CREB3L3: variants seen among roughly 807,000 people sequenced by gnomAD.
CREB3L3 encodes cAMP responsive element binding protein 3 like 3.
CREB3L3 carries 40 observed loss-of-function variants against 44.6 expected under a neutral mutation model. The observed-to-expected ratio is 0.90, with a 90% CI of 0.70 to 1.17. The LOEUF (loss-of-function observed/expected upper bound fraction) is 1.17. Ranked by LOEUF, CREB3L3 falls within the 50% of genes most tolerant of loss-of-function variation. The pLI, the probability that CREB3L3 is intolerant of heterozygous loss-of-function variation, is 0.00. For synonymous variants in CREB3L3, 273 were observed against 256.3 expected (o/e 1.06, Z -0.62); for missense variants, 578 against 595.8 (o/e 0.97, Z 0.31).
intron 4 of CREB3L3, among the ~76,000 whole-genome samples, chr19:4,164,210 T>C (rs1248816554): frequency 6.6e-6 from 1 of 151,838 alleles, no homozygotes; most frequent in Non-Finnish European, 1.5e-5. Flanking sequence ...CCTGACCTAG[T>C]GATTTGCCCA....
chr19:4,158,654 A>G (rs2145122585), intron 3 of CREB3L3, among the ~76,000 whole-genome samples: 1 of 152,156 alleles, frequency 6.6e-6, no homozygotes, highest in Non-Finnish European at 1.5e-5. Context: ...TACAAAAATT[A>G]GCTGGGTGTG....
In CREB3L3 at chr19:4,170,431, G is replaced by A. The variant is rs566774218; in HGVS notation, c.890+223G>A. 2.0e-5 allele frequency among the ~76,000 whole-genome samples: 3 copies of A among 152,112 alleles called. No homozygotes were observed. In the East Asian group the frequency reaches 5.8e-4, roughly 29 times the overall value. ...TCAAAACCAGCCTGGCCAACATGGTGAAACCCCGTCTCTACTAAAAATACA... is the reference window on the plus strand; with the variant it reads ...TCAAAACCAGCCTGGCCAACATGGTAAAACCCCGTCTCTACTAAAAATACA... On this transcript the variant is annotated intron_variant, in intron 7 of 9. Coordinates refer to ENST00000078445, the MANE Select transcript of CREB3L3 (RefSeq NM_032607.3).
chr19:4,170,322 C>T (rs530528225), intron 7 of CREB3L3, 114 bp downstream of exon 7: 7 of 1,084,382 alleles, frequency 6.5e-6, no homozygotes, highest in African/African-American at 1.6e-5. Context: ...AAGAGTTTTA[C>T]CTATGGGCCG....
chr19:4,161,699 A>G (rs1445211866), intron 4 of CREB3L3, among the ~76,000 whole-genome samples: 1 of 152,204 alleles, frequency 6.6e-6, no homozygotes, highest in East Asian at 1.9e-4. Flanking sequence ...TGGCAGACTC[A>G]GGGTTTTGAA....
chr19:4,154,783 C>A, intron 1 of CREB3L3, 116 bp from the exon 2 acceptor site: 1 of 1,507,800 alleles, frequency 6.6e-7, no homozygotes, highest in Non-Finnish European at 9.1e-7. Context: ...GCTGGCCCAA[C>A]CCGGAGGCAG....
At chr19:4,157,423 C>T in intron 3 of CREB3L3, 128 bp downstream of exon 3, 2 of 1,060,218 alleles carry the variant, frequency 1.9e-6, no homozygotes, top group Admixed American at 4.0e-5. Context: ...GGAGCTGGGC[C>T]CAGACTCAAA....
chr19:4,164,693 C>T (rs2041704176), intron 5 of CREB3L3, 53 bp downstream of exon 5: 13 of 1,592,548 alleles, frequency 8.2e-6, no homozygotes, highest in Non-Finnish European at 1.1e-5. Context: ...CGTGCACTTA[C>T]CTGCATGTGT....
At chr19:4,158,786 C>G (rs145011240) in intron 3 of CREB3L3, among the ~76,000 whole-genome samples, 7,185 of 141,420 alleles carry the variant, frequency 0.051, 593 homozygotes, top group African/African-American at 0.18. Context: ...GGCGACAGAG[C>G]GAGACTCCGT....
Position 4,157,137 on chromosome 19 carries a change from C to A in CREB3L3, c.299C>A (p.Thr100Asn). The change falls in exon 3 of 10, where the codon ACC (threonine) becomes AAC (asparagine). Residue 100 changes from threonine (T) to asparagine (N), a missense_variant. Thr to Asn is a moderately conservative substitution (Grantham distance 65, BLOSUM62 0). Transcript: ENST00000078445. ...SEDLPSDPQD[T>N]PPRSGPATSP... The stretch of plus-strand genomic sequence containing the variant: ...GACCTCCCCTCCGACCCCCAGGACA[C>A]CCCTCCACGCAGCGGACCAGCCACC... 6.2e-7 allele frequency: 1 copy of A among 1,614,030 alleles called. No homozygotes were observed. The highest frequency in any genetic ancestry group is 8.5e-7 in the Non-Finnish European group (1 of 1,180,002).
chr19:4,157,469 A>C (rs893802169), intron 3 of CREB3L3, among the ~76,000 whole-genome samples, 174 bp downstream of exon 3: 1 of 152,118 alleles, frequency 6.6e-6, no homozygotes, highest in African/African-American at 2.4e-5. Context: ...AGGTGTTTCC[A>C]TGCTTTCACG....
chr19:4,153,936 G>A (rs771335864), intron 1 of CREB3L3, among the ~76,000 whole-genome samples, 162 bp downstream of exon 1: 1 of 152,158 alleles, frequency 6.6e-6, no homozygotes, highest in Admixed American at 6.6e-5. Context: ...CCTTTGCCCC[G>A]GGGCTGCCCT....
chr19:4,159,483 G>A (rs2041631274), intron 3 of CREB3L3, among the ~76,000 whole-genome samples, 181 bp from the exon 4 acceptor site: 1 of 130,582 alleles, frequency 7.7e-6, no homozygotes, highest in Non-Finnish European at 1.7e-5. Flanking sequence ...GGGAGACCGA[G>A]TCACTAGTGA....
chr19:4,168,100 G>A (rs1966961718), intron 5 of CREB3L3, among the ~76,000 whole-genome samples: 1 of 151,822 alleles, frequency 6.6e-6, no homozygotes, highest in Admixed American at 6.6e-5. Context: ...CCGGGTTCAT[G>A]CCATTCTCCT....
intron 2 of CREB3L3, among the ~76,000 whole-genome samples, chr19:4,156,241 G>T (rs187857381): frequency 2.2e-4 from 33 of 150,134 alleles, no homozygotes; most frequent in Admixed American, 2.2e-3. Flanking sequence ...AGGCTGGAGT[G>T]CAATGGTGTG....
chr19:4,167,458 G>GGAAAGAAAGAAAGGAAGAA lies in CREB3L3; in HGVS notation c.715-893_715-892insGAAAGAAAGAAAGGAAGAA, dbSNP rs763123521. ...AAAGGAAAGAAAGAAAGGAAGAAAA[G>GGAAAGAAAGAAAGGAAGAA]AAGGAAAGAAAGGAAGAAAAGGAAA... On this transcript the variant is annotated intron_variant, in intron 5 of 9. Coordinates refer to ENST00000078445, the MANE Select transcript of CREB3L3 (RefSeq NM_032607.3). Among the ~76,000 whole-genome samples, 885 of 108,232 alleles carry GGAAAGAAAGAAAGGAAGAA rather than the reference G, an allele frequency of 8.2e-3. 9 individuals are homozygous for GGAAAGAAAGAAAGGAAGAA. Among genetic ancestry groups the GGAAAGAAAGAAAGGAAGAA allele is most frequent in the Non-Finnish European group, 0.013 (687 of 52,850 alleles). The allele number at this position is 108,232 out of a possible 152,430, so 71.0% of individuals were successfully genotyped here. A position where few individuals can be genotyped will look rare whatever the true frequency, so the allele number is the denominator to read the frequency against.
chr19:4,171,280 A>G lies in CREB3L3; in HGVS notation c.976-103A>G, dbSNP rs1967039999. 8 of 1,418,992 alleles carry G rather than the reference A, an allele frequency of 5.6e-6. No homozygotes were observed. In the Admixed American group the frequency reaches 1.4e-4, roughly 25 times the overall value. The allele number at this position is 1,418,992 out of a possible 1,614,324, so 87.9% of individuals were successfully genotyped here. A position where few individuals can be genotyped will look rare whatever the true frequency, so the allele number is the denominator to read the frequency against. Reference sequence around the variant, plus strand: ...GCTCTCCTTGTGCCCCAGCTCAAGTATGATCCAGTCTGGTCTTTGGGGCCT... The same window carrying G: ...GCTCTCCTTGTGCCCCAGCTCAAGTGTGATCCAGTCTGGTCTTTGGGGCCT... On this transcript the variant is annotated intron_variant, in intron 8 of 9. Coordinates refer to ENST00000078445, the MANE Select transcript of CREB3L3 (RefSeq NM_032607.3). The surrounding 1 kb of genome is among the most constrained non-coding windows in gnomAD (Gnocchi z 4.9).
intron 6 of CREB3L3, 35 bp downstream of exon 6, chr19:4,168,492 G>A (rs763957168): frequency 6.7e-7 from 1 of 1,502,422 alleles, no homozygotes; most frequent in South Asian, 1.2e-5. Flanking sequence ...TACACTCGTG[G>A]AGGAAACTGA....
chr19:4,160,981 G>A (rs112843397), intron 4 of CREB3L3, among the ~76,000 whole-genome samples: 15 of 118,784 alleles, frequency 1.3e-4, no homozygotes, highest in Admixed American at 1.8e-4. Context: ...GCGTGATCTC[G>A]GCTCACTGCA....
Position 4,159,481 on chromosome 19 carries a change from G to A in CREB3L3, c.458-183G>A, listed in dbSNP as rs538541099. Among the ~76,000 whole-genome samples the A allele has an allele frequency of 8.6e-5, 11 of 128,562 alleles. No homozygotes were observed. In the South Asian group the frequency reaches 1.5e-3, roughly 18 times the overall value. The allele number at this position is 128,562 out of a possible 152,430, so 84.3% of individuals were successfully genotyped here. On this transcript the variant is annotated intron_variant, in intron 3 of 9. Coordinates refer to ENST00000078445, the MANE Select transcript of CREB3L3 (RefSeq NM_032607.3). ...CCCATCTTATAGCAGAGGGGAGACC[G>A]AGTCACTAGTGAGGGCTGCCCCCTT...
Sources: allele counts gnomAD v4.1 joint callset (sites outside exome capture counted in the v4.1 genomes callset), GRCh38; gene constraint gnomAD v4.1.1; non-coding constraint Gnocchi (gnomAD v3.1); transcripts MANE v1.5; gene names NCBI Gene and HGNC (gene_info 2026-07-23, HGNC 2026-07-21).